NKAIN3: variants seen among roughly 807,000 people sequenced by gnomAD.
The protein encoded by NKAIN3 is sodium/potassium-transporting ATPase subunit beta-1-interacting protein 3.
NKAIN3 carries 25 observed loss-of-function variants against 30.2 expected under a neutral mutation model. The ratio of observed to expected loss-of-function variants is 0.83; its 90% CI spans 0.60 to 1.16. The LOEUF (loss-of-function observed/expected upper bound fraction) is 1.16. NKAIN3 is among the 50% of genes most tolerant of loss of function. The pLI is 0.00. For synonymous variants in NKAIN3, 91 were observed against 89.6 expected (o/e 1.02, Z -0.09); for missense variants, 225 against 254.1 (o/e 0.89, Z 0.78).
At chr8:62,329,987 C>A (rs1815285178) in intron 1 of NKAIN3, among the ~76,000 whole-genome samples, 1 of 151,936 alleles carries the variant, frequency 6.6e-6, no homozygotes, top group South Asian at 2.1e-4. Context: ...AGGGTAGATA[C>A]CACGACAGCA....
At chr8:62,521,898 T>TA (rs1307012121) in intron 1 of NKAIN3, among the ~76,000 whole-genome samples, 3 of 152,138 alleles carry the variant, frequency 2.0e-5, no homozygotes, top group African/African-American at 7.2e-5. Flanking sequence ...TCTGAATTCT[T>TA]AAACGCTATA....
intron 4 of NKAIN3, among the ~76,000 whole-genome samples, chr8:62,784,557 T>C (rs1817457683): frequency 1.3e-5 from 2 of 151,852 alleles, no homozygotes; most frequent in Admixed American, 6.6e-5. Context: ...TTACCAAAAC[T>C]GACTCAAGCA....
At chr8:62,776,364 T>C (rs2130645197) in intron 4 of NKAIN3, among the ~76,000 whole-genome samples, 2 of 152,208 alleles carry the variant, frequency 1.3e-5, no homozygotes, top group East Asian at 3.9e-4. Context: ...TCTTTCTTCT[T>C]CCTTCCTATC....
rs1823862073 is a variant in NKAIN3, at chr8:62,972,823, C to T, written c.*7416C>T. 6.6e-6 allele frequency among the ~76,000 whole-genome samples: 1 copy of T among 152,046 alleles called. No homozygotes were observed. The highest frequency in any genetic ancestry group is 6.6e-5 in the Admixed American group (1 of 15,256). On this transcript the variant is annotated 3_prime_UTR_variant, in exon 7 of 7. Coordinates refer to ENST00000623646, the MANE Select transcript of NKAIN3 (RefSeq NM_001304533.3). ...TATATCTCCTAATGTTATCCCTCCC[C>T]TTGTCCCCCACTCCCCAACAGGCCC...
intron 4 of NKAIN3, among the ~76,000 whole-genome samples, chr8:62,872,194 A>G (rs578046858): frequency 1.3e-5 from 2 of 152,322 alleles, no homozygotes; most frequent in South Asian, 4.1e-4. Flanking sequence ...TTGTGTAAGT[A>G]CACTTCATGT....
At chr8:62,522,253 T>G (rs531070436) in intron 1 of NKAIN3, among the ~76,000 whole-genome samples, 68 of 152,278 alleles carry the variant, frequency 4.5e-4, no homozygotes, top group Middle Eastern at 3.4e-3. Context: ...CTAATGATAC[T>G]GTAGCCATCA....
rs565980152 is a variant in NKAIN3 at position 62,947,551 on chromosome 8, G to A, written c.533-6351G>A. Among the ~76,000 whole-genome samples, 4 of 152,312 alleles carry A rather than the reference G, an allele frequency of 2.6e-5. No homozygotes were observed. The South Asian group carries it at 6.2e-4, about 24-fold the overall frequency. Reference sequence around the variant, plus strand: ...ATTTCCTGTCTAACTTCCCCATCAAGAAGTGGGGAGTTGCTGTTCTTGCCT... The same window carrying A: ...ATTTCCTGTCTAACTTCCCCATCAAAAAGTGGGGAGTTGCTGTTCTTGCCT... On this transcript the variant is annotated intron_variant, in intron 5 of 6. Coordinates refer to ENST00000623646, the MANE Select transcript of NKAIN3 (RefSeq NM_001304533.3).
At chr8:62,670,319 A>G (rs1002748773) in intron 3 of NKAIN3, among the ~76,000 whole-genome samples, 3 of 152,102 alleles carry the variant, frequency 2.0e-5, no homozygotes, top group African/African-American at 7.2e-5. Context: ...TTGCAATATA[A>G]AGAACATCTA....
At chr8:62,480,563 A>G (rs1000947870) in intron 1 of NKAIN3, among the ~76,000 whole-genome samples, 2 of 151,870 alleles carry the variant, frequency 1.3e-5, no homozygotes, top group African/African-American at 4.8e-5. Context: ...ATAGAGAAGA[A>G]AAATGATTTC....
At chr8:62,779,426 A>T (rs1396559846) in intron 4 of NKAIN3, among the ~76,000 whole-genome samples, 1 of 152,102 alleles carries the variant, frequency 6.6e-6, no homozygotes, top group Non-Finnish European at 1.5e-5. Context: ...GGGCTGTTAT[A>T]AATGCTCCCT....
chr8:62,748,194 A>T (rs962560102), intron 4 of NKAIN3, among the ~76,000 whole-genome samples: 2 of 152,152 alleles, frequency 1.3e-5, no homozygotes, highest in Non-Finnish European at 2.9e-5. Flanking sequence ...CACCCATATA[A>T]ACTCCACACA....
At chr8:62,658,272 C>A (rs1244534934) in intron 3 of NKAIN3, among the ~76,000 whole-genome samples, 3 of 152,170 alleles carry the variant, frequency 2.0e-5, no homozygotes, top group Non-Finnish European at 4.4e-5. Context: ...ACACCCACAG[C>A]CCTCTGTCAG....
At position 62,848,468 on chromosome 8, in the gene NKAIN3, C is replaced by G. The variant is rs1586264064; in HGVS notation, c.472-69985C>G. Among the ~76,000 whole-genome samples the G allele has an allele frequency of 3.3e-5, 5 of 152,130 alleles. No homozygotes were observed. The South Asian group carries it at 1.0e-3, about 32-fold the overall frequency. On this transcript the variant is annotated intron_variant, in intron 4 of 6. Coordinates refer to ENST00000623646, the MANE Select transcript of NKAIN3 (RefSeq NM_001304533.3). ...AGTTCATTTGTGATTTGGCTCTCAG[C>G]TTGACTGTTGTTGGTGTATAGGAAT...
chr8:62,284,177 T>C (rs1341637263), intron 1 of NKAIN3, among the ~76,000 whole-genome samples: 3 of 152,054 alleles, frequency 2.0e-5, no homozygotes, highest in African/African-American at 2.4e-5. Flanking sequence ...CCAACAGGCA[T>C]TGGTGCTGTC....
At chr8:62,932,638 G>A (rs563931905) in intron 5 of NKAIN3, among the ~76,000 whole-genome samples, 58 of 152,334 alleles carry the variant, frequency 3.8e-4, no homozygotes, top group African/African-American at 1.3e-3. Flanking sequence ...TTCAGTTCAC[G>A]AAATGAATGG....
Position 62,601,061 on chromosome 8 carries a change from A to G in NKAIN3, c.273+11267A>G, listed in dbSNP as rs115663728. On this transcript the variant is annotated intron_variant, in intron 3 of 6. Transcript: ENST00000623646. ...TCAGTACATGAACAATTGCAGAGGAAACAGAACTCTCAGTTTCCCTCAGCT... is the reference window on the plus strand; with the variant it reads ...TCAGTACATGAACAATTGCAGAGGAGACAGAACTCTCAGTTTCCCTCAGCT... 1.8e-3 allele frequency among the ~76,000 whole-genome samples: 271 copies of G among 152,192 alleles called. 1 individual carries two copies. The highest frequency in any genetic ancestry group is 5.9e-3 in the African/African-American group (246 of 41,566).
chr8:62,638,971 A>C (rs1425098234), intron 3 of NKAIN3, among the ~76,000 whole-genome samples: 1 of 152,164 alleles, frequency 6.6e-6, no homozygotes, highest in Non-Finnish European at 1.5e-5. Context: ...AGGCTTTTCT[A>C]GAAAATTGCC....
chr8:62,839,822 C>T (rs1033000771), intron 4 of NKAIN3, among the ~76,000 whole-genome samples: 5 of 152,102 alleles, frequency 3.3e-5, no homozygotes, highest in Admixed American at 3.3e-4. Flanking sequence ...CTATGTTGCC[C>T]TGGCTGGTCT....
chr8:62,777,624 T>A (rs1274581691), intron 4 of NKAIN3, among the ~76,000 whole-genome samples: 1 of 152,132 alleles, frequency 6.6e-6, no homozygotes, highest in Non-Finnish European at 1.5e-5. Context: ...TAATTGAAAT[T>A]CCACCAAAAA....
Sources: gnomAD v4.1 joint callset for allele counts (sites outside exome capture counted in the v4.1 genomes callset) on GRCh38, gnomAD v4.1.1 for gene constraint, MANE v1.5 for transcripts, NCBI Gene and HGNC (gene_info 2026-07-23, HGNC 2026-07-21) for gene names.